Variants in GLYAT observed in about 807,000 individuals in gnomAD.
The protein encoded by GLYAT is glycine-N-acyltransferase, also known as glycine N-acyltransferase.
In GLYAT, 25 loss-of-function variants were observed where a neutral mutation model predicts 22.8. That is an observed-to-expected ratio of 1.09 (90% CI 0.80 to 1.53). The LOEUF (loss-of-function observed/expected upper bound fraction) is 1.53, where lower values mean the gene tolerates loss of function less well. GLYAT is among the 40% of genes most tolerant of loss of function. The pLI is 0.00. For synonymous variants in GLYAT, 140 were observed against 122.7 expected, an observed-to-expected ratio of 1.14 and a Z score of -0.93; for missense variants, 411 against 353.9, an observed-to-expected ratio of 1.16 and a Z score of -1.29.
Position 58,709,512 on chromosome 11 carries a change from T to C in GLYAT, c.*254A>G, listed in dbSNP as rs965726670. On this transcript the variant is annotated 3_prime_UTR_variant, in exon 6 of 6. Coordinates refer to ENST00000344743, the MANE Select transcript of GLYAT (RefSeq NM_201648.3). ...GCAATATGTATCTGATGAAGTGTCA[T>C]AGAGGTCCTGGAAATGTGGGGAGGT... 15 of 409,082 alleles carry C rather than the reference T, an allele frequency of 3.7e-5. No individual in the cohort carries two copies. Among genetic ancestry groups the C allele is most frequent in the African/African-American group, 5.9e-5 (3 of 50,598 alleles). The allele number at this position is 409,082 out of a possible 1,614,324, so 25.3% of individuals were successfully genotyped here.
intron 1 of GLYAT, among the ~76,000 whole-genome samples, chr11:58,725,629 G>A (rs1055339662): frequency 6.6e-6 from 1 of 152,170 alleles, no homozygotes; most frequent in African/African-American, 2.4e-5. Context: ...GAAGGCAGAA[G>A]GAGAGACCAA....
At chr11:58,721,524 G>T (rs1856750075) in intron 2 of GLYAT, among the ~76,000 whole-genome samples, 1 of 151,884 alleles carries the variant, frequency 6.6e-6, no homozygotes, top group Non-Finnish European at 1.5e-5. Context: ...TCTTAGGAGA[G>T]AAAAAGAAAC....
intron 2 of GLYAT, among the ~76,000 whole-genome samples, chr11:58,719,412 G>A (rs1856722275): frequency 6.6e-6 from 1 of 151,896 alleles, no homozygotes; most frequent in South Asian, 2.1e-4. Context: ...TTAAAGAGTT[G>A]GTTAATGCTT....
Position 58,710,295 on chromosome 11 carries a change from G to A in GLYAT, c.489-127C>T, listed in dbSNP as rs561947788. On this transcript the variant is annotated intron_variant, in intron 5 of 5. Coordinates refer to ENST00000344743, the MANE Select transcript of GLYAT (RefSeq NM_201648.3). ...AAATGTGAAGTCCTGGAATATAGAT[G>A]AGCTTGTGATGAAAGAGGAACAGAG... 180 of 1,413,892 alleles carry A rather than the reference G, an allele frequency of 1.3e-4. 1 individual carries two copies. In the South Asian group the frequency reaches 2.5e-3, roughly 20 times the overall value. 87.6% of individuals were successfully genotyped at this position (1,413,892 alleles called of 1,614,324 possible).
intron 2 of GLYAT, among the ~76,000 whole-genome samples, chr11:58,717,927 T>C (rs191102767): frequency 6.6e-6 from 1 of 152,192 alleles, no homozygotes; most frequent in African/African-American, 2.4e-5. Context: ...ATTTGTGCCA[T>C]CAAATACCTA....
At position 58,725,436 on chromosome 11, in the gene GLYAT, C is replaced by T. The variant is rs193150417; in HGVS notation, c.-15-925G>A. ...TGTTTGGAAGAGAGCAAAGTAACTT[C>T]TAAGTGAAGGTAGGGCTATGAGAGA... On this transcript the variant is annotated intron_variant, in intron 1 of 5. Transcript: ENST00000344743. 6.6e-5 allele frequency among the ~76,000 whole-genome samples: 10 copies of T among 152,270 alleles called. No individual in the cohort carries two copies. The East Asian group carries it at 1.9e-3, about 29-fold the overall frequency.
intron 2 of GLYAT, among the ~76,000 whole-genome samples, chr11:58,723,084 G>C (rs927285340): frequency 1.3e-5 from 2 of 151,908 alleles, no homozygotes; most frequent in Non-Finnish European, 2.9e-5. Flanking sequence ...AAAATGTTTA[G>C]GATCCACTTA....
At chr11:58,723,211 A>G (rs778903235) in intron 2 of GLYAT, among the ~76,000 whole-genome samples, 1 of 127,996 alleles carries the variant, frequency 7.8e-6, no homozygotes, top group Admixed American at 8.2e-5. Context: ...TACCTCAACT[A>G]ATTATACATA....
chr11:58,728,889 A>AGAAAGAAAGAAAGAAAGAAG (rs1310407303), intron 1 of GLYAT, among the ~76,000 whole-genome samples: 93 of 101,260 alleles, frequency 9.2e-4, no homozygotes, highest in East Asian at 2.0e-3. Context: ...AAAGAAAGAA[A>AGAAAGAAAGAAAGAAAGAAG]GAAGGAAGGA....
chr11:58,715,046 CTTATCGGGTAGCCCCACCTTTGA>C (rs1856662593), intron 3 of GLYAT, among the ~76,000 whole-genome samples: 1 of 152,070 alleles, frequency 6.6e-6, no homozygotes, highest in Non-Finnish European at 1.5e-5. Context: ...GTATACTGAA[CTTATCGGGTAGCCCCACCTTTGA>C]CTTCCATAGT....
intron 3 of GLYAT, 104 bp downstream of exon 3, chr11:58,715,212 A>G: frequency 1.6e-6 from 1 of 610,912 alleles, no homozygotes. Flanking sequence ...GTTGACTATT[A>G]CTATGATTTA....
intron 2 of GLYAT, among the ~76,000 whole-genome samples, chr11:58,719,776 A>AGCATATAC (rs1328359370): frequency 6.6e-6 from 1 of 152,074 alleles, no homozygotes; most frequent in Non-Finnish European, 1.5e-5. Context: ...GGACTTTAAA[A>AGCATATAC]GCATATACAG....
intron 3 of GLYAT, among the ~76,000 whole-genome samples, chr11:58,714,545 C>G (rs1856655943): frequency 6.6e-6 from 1 of 152,148 alleles, no homozygotes; most frequent in Non-Finnish European, 1.5e-5. Context: ...CCACCCAAAT[C>G]TCACCTTGAA....
At chr11:58,717,668 G>T (rs945206935) in intron 2 of GLYAT, among the ~76,000 whole-genome samples, 1 of 151,952 alleles carries the variant, frequency 6.6e-6, no homozygotes, top group African/African-American at 2.4e-5. Context: ...AACATTAGGC[G>T]AGACTAGAAT....
chr11:58,714,673 T>C (rs1856657645), intron 3 of GLYAT, among the ~76,000 whole-genome samples: 1 of 152,022 alleles, frequency 6.6e-6, no homozygotes, highest in Admixed American at 6.6e-5. Context: ...GATCTGATGG[T>C]TTTATAAGGG....
chr11:58,712,988 T>G (rs1856635555), intron 3 of GLYAT, 102 bp from the exon 4 acceptor site: 2 of 714,086 alleles, frequency 2.8e-6, no homozygotes, highest in South Asian at 5.1e-5. Context: ...ATTGGTAGTT[T>G]TATTGGTGTA....
At chr11:58,729,440 G>A (rs1856849154) in intron 1 of GLYAT, among the ~76,000 whole-genome samples, 1 of 152,110 alleles carries the variant, frequency 6.6e-6, no homozygotes, top group South Asian at 2.1e-4. Flanking sequence ...TATTTATGCT[G>A]TTCAACATGA....
intron 1 of GLYAT, among the ~76,000 whole-genome samples, chr11:58,726,801 G>A (rs1459211607): frequency 1.3e-5 from 2 of 152,100 alleles, no homozygotes; most frequent in Admixed American, 1.3e-4. Context: ...ACTACAGGAG[G>A]AAGTAGGAGG....
chr11:58,728,874 GAA>G (rs1247070247), intron 1 of GLYAT: 2 of 108,688 alleles, frequency 1.8e-5, no homozygotes, highest in Non-Finnish European at 3.8e-5. Flanking sequence ...AAGAAAGAAA[GAA>G]AGAAAGAAAG....
Sources: gnomAD v4.1 joint callset for allele counts (sites outside exome capture counted in the v4.1 genomes callset) on GRCh38, gnomAD v4.1.1 for gene constraint, MANE v1.5 for transcripts, NCBI Gene and HGNC (gene_info 2026-07-23, HGNC 2026-07-21) for gene names.